RABGAP1: variants seen among roughly 807,000 people sequenced by gnomAD.
RABGAP1 encodes the protein rab GTPase-activating protein 1.
A neutral mutation model predicts 137.6 loss-of-function variants in RABGAP1; 23 were observed. That is an observed-to-expected ratio of 0.17 (90% confidence interval 0.12 to 0.24). The LOEUF is 0.24. Among genes scored for constraint, RABGAP1 ranks in the 10% least tolerant of loss-of-function variants. The probability of loss-of-function intolerance (pLI) is 1.00; values close to 1 mark genes in which losing one functional copy is unlikely to be tolerated. For synonymous variants in RABGAP1, 451 were observed against 450.7 expected, an observed-to-expected ratio of 1.00 and a Z score of -0.01; for missense variants, 906 against 1,275.8, an observed-to-expected ratio of 0.71 and a Z score of 4.42.
intron 10 of RABGAP1, among the ~76,000 whole-genome samples, chr9:123,004,652 G>A (rs539090818): frequency 1.3e-4 from 20 of 152,084 alleles, no homozygotes; most frequent in Admixed American, 9.8e-4. Flanking sequence ...GTTCATTCAC[G>A]TATTTTCAGT....
Position 122,989,431 on chromosome 9 carries a change from T to A in RABGAP1, c.725T>A (p.Leu242His), listed in dbSNP as rs1428363089. The A allele has an allele frequency of 6.2e-7, 1 of 1,614,090 alleles. No individual in the cohort carries two copies. Among genetic ancestry groups the A allele is most frequent in the Non-Finnish European group, 8.5e-7 (1 of 1,180,010 alleles). Residue 242 changes from leucine (L) to histidine (H), a missense_variant, in exon 5 of 26, where the codon CTC (leucine) becomes CAC (histidine). Leu to His is a moderately conservative substitution (Grantham distance 99). This residue lies in a region of RABGAP1 where 331 missense variants were observed against 358.3 expected (regional missense o/e 0.92). Transcript: ENST00000373647. ...ACTGAAAGTCATTACAATGCAGAGC[T>A]CTTCAGAATACACGTCTTCCGGTGT... Reference protein sequence around the residue: ...AFTESHYNAELFRIHVFRCEI... With the variant: ...AFTESHYNAEHFRIHVFRCEI...
intron 2 of RABGAP1, among the ~76,000 whole-genome samples, chr9:122,958,117 C>T (rs558934402): frequency 9.2e-5 from 14 of 152,318 alleles, no homozygotes; most frequent in African/African-American, 3.4e-4. Context: ...CCATTTCACT[C>T]CCACTTGTCT....
chr9:122,957,266 C>A, intron 2 of RABGAP1, 57 bp downstream of exon 2: 1 of 1,357,708 alleles, frequency 7.4e-7, no homozygotes, highest in South Asian at 2.1e-5. Flanking sequence ...CATTGCAAAA[C>A]TTGGCCTTAA....
At chr9:122,971,610 T>C (rs928387703) in intron 2 of RABGAP1, 2 of 151,804 alleles carry the variant, frequency 1.3e-5, no homozygotes, top group African/African-American at 4.8e-5. Context: ...GAACAAAATA[T>C]CAAAAAATGT....
At chr9:122,960,880 C>T (rs1421282760) in intron 2 of RABGAP1, among the ~76,000 whole-genome samples, 1 of 152,034 alleles carries the variant, frequency 6.6e-6, no homozygotes, top group Non-Finnish European at 1.5e-5. Context: ...ATCACAGTAA[C>T]TGAAATGAAA....
At chr9:123,079,244 T>G (rs7854976) in intron 19 of RABGAP1, among the ~76,000 whole-genome samples, 22,477 of 134,042 alleles carry the variant, frequency 0.17, 3,533 homozygotes, top group East Asian at 0.5. Context: ...GTTTTGTTTT[T>G]TTTTTTTTTT....
chr9:123,030,130 A>T (rs1189228199), intron 13 of RABGAP1, among the ~76,000 whole-genome samples: 7 of 152,186 alleles, frequency 4.6e-5, no homozygotes, highest in Admixed American at 4.6e-4. Context: ...CTAGCAATGA[A>T]ATGGTTAAGT....
chr9:123,009,227 T>A (rs2030582841), intron 10 of RABGAP1, among the ~76,000 whole-genome samples: 1 of 152,214 alleles, frequency 6.6e-6, no homozygotes, highest in African/African-American at 2.4e-5. Flanking sequence ...GCCTAAAATG[T>A]TTACTATTTG....
chr9:122,932,599 G>C, the RABGAP1 span, among the ~76,000 whole-genome samples: 2 of 150,266 alleles, frequency 1.3e-5, no homozygotes, highest in East Asian at 2.0e-4. Flanking sequence ...GTGTGATCTC[G>C]GCTCACCGCA....
At chr9:122,991,673 ACTCACTGCAGC>A (rs1043348900) in intron 6 of RABGAP1, among the ~76,000 whole-genome samples, 9 of 149,672 alleles carry the variant, frequency 6.0e-5, no homozygotes, top group Non-Finnish European at 1.2e-4. Context: ...TACAAACATG[ACTCACTGCAGC>A]CTCAGCCTTC....
intron 13 of RABGAP1, chr9:123,029,834 A>G: frequency 5.0e-6 from 2 of 400,816 alleles, no homozygotes; most frequent in Non-Finnish European, 9.4e-6. Context: ...TTTACCAAAT[A>G]ATAAGTGGTA....
rs143568460 is a variant in RABGAP1, at chr9:122,945,102, C to G, written c.-50+4009C>G. On this transcript the variant is annotated intron_variant, in intron 1 of 25. Transcript: ENST00000373647. ...AATTCAAGGCTCAGGACTTAATGCC[C>G]GTGAGTATGCCTGGAAAAACACCAT... Among the ~76,000 whole-genome samples the G allele has an allele frequency of 5.9e-5, 8 of 134,992 alleles. No homozygotes were observed. In the East Asian group the frequency reaches 1.5e-3, roughly 25 times the overall value. 88.6% of individuals were successfully genotyped at this position (134,992 alleles called of 152,430 possible). A position where few individuals can be genotyped will look rare whatever the true frequency, so the allele number is the denominator to read the frequency against.
At chr9:123,097,630 C>T (rs1242223188) in intron 21 of RABGAP1, 111 bp from the exon 22 acceptor site, 4 of 871,328 alleles carry the variant, frequency 4.6e-6, no homozygotes, top group African/African-American at 1.7e-5. Context: ...ATAATTTCCC[C>T]TCTCTGAATC....
At chr9:123,046,725 T>A (rs1435035915) in intron 13 of RABGAP1, among the ~76,000 whole-genome samples, 1 of 152,162 alleles carries the variant, frequency 6.6e-6, no homozygotes, top group East Asian at 1.9e-4. Context: ...AAGTTTTAAG[T>A]TGAGATATAA....
chr9:123,007,308 CA>C (rs374983261), intron 10 of RABGAP1, among the ~76,000 whole-genome samples: 288 of 149,820 alleles, frequency 1.9e-3, no homozygotes, highest in African/African-American at 6.2e-3. Flanking sequence ...CTCCTGGCCT[CA>C]AGTAATCTAC....
intron 2 of RABGAP1, among the ~76,000 whole-genome samples, chr9:122,980,538 G>T (rs997203381): frequency 1.3e-5 from 2 of 152,108 alleles, no homozygotes; most frequent in Non-Finnish European, 2.9e-5. Flanking sequence ...TTCTTTTATT[G>T]GGAAAATCAA....
intron 21 of RABGAP1, among the ~76,000 whole-genome samples, chr9:123,091,955 T>C (rs1588406803): frequency 1.3e-5 from 2 of 152,138 alleles, no homozygotes; most frequent in South Asian, 2.1e-4. Flanking sequence ...CAGGTGTACA[T>C]GGAGCAGGGA....
intron 2 of RABGAP1, 66 bp from the exon 3 acceptor site, chr9:122,984,419 A>T: frequency 7.8e-7 from 1 of 1,286,218 alleles, no homozygotes; most frequent in Non-Finnish European, 1.1e-6. Context: ...TAGAATGTGA[A>T]CCCATTTTAA....
chr9:123,051,578 T>C (rs1325099079), intron 13 of RABGAP1, among the ~76,000 whole-genome samples: 1 of 151,528 alleles, frequency 6.6e-6, no homozygotes, highest in East Asian at 2.0e-4. Context: ...GAGTGTCATA[T>C]ATTTCTCTGG....
Sources: allele counts gnomAD v4.1 joint callset (sites outside exome capture counted in the v4.1 genomes callset), GRCh38; gene constraint gnomAD v4.1.1; regional missense constraint gnomAD v4.1.1; transcripts MANE v1.5; gene names NCBI Gene and HGNC (gene_info 2026-07-23, HGNC 2026-07-21).